The following DNAH1 variants were observed in gnomAD, a reference collection of about 807,000 sequenced individuals.
DNAH1 encodes the protein axonemal beta dynein heavy chain 1.
A neutral mutation model predicts 484.3 loss-of-function variants in DNAH1; 327 were observed. The observed-to-expected ratio is 0.68, with a 90% CI of 0.62 to 0.74. The LOEUF (loss-of-function observed/expected upper bound fraction) is 0.74, where lower values mean the gene tolerates loss of function less well. Among genes scored for constraint, DNAH1 ranks in the 30% least tolerant of loss-of-function variants. DNAH1 has a pLI of 0.00. For synonymous variants in DNAH1, 2,192 were observed against 2,191.9 expected, an observed-to-expected ratio of 1.00 and a Z score of 0.00; for missense variants, 5,052 against 5,546.8, an observed-to-expected ratio of 0.91 and a Z score of 2.83.
At chr3:52,311,506 C>T (rs576815265), upstream of DNAH1, among the ~76,000 whole-genome samples, 2 of 152,206 alleles carry the variant, frequency 1.3e-5, no homozygotes, top group East Asian at 3.9e-4. Context: ...GAGCATGTGG[C>T]CAGCAGCCAG....
chr3:52,352,224 G>T, intron 17 of DNAH1, 121 bp downstream of exon 17: 1 of 1,332,352 alleles, frequency 7.5e-7, no homozygotes, highest in Non-Finnish European at 1.0e-6. Flanking sequence ...TGATGGGCGG[G>T]CAGATGGATG....
rs778389303 is a variant in DNAH1 at position 52,358,575 on chromosome 3, C to A, written c.4104C>A (p.Asp1368Glu). Residue 1368 changes from aspartate to glutamate, a missense_variant, in exon 25 of 78, where the codon GAC becomes GAA. Asp to Glu is a conservative substitution (Grantham distance 45). Transcript: ENST00000420323. The surrounding 1 kb of genome is among the most constrained non-coding windows in gnomAD (Gnocchi z 4.2). ...GCTTGCAGCTGCTATTCCAGGAGGACCTGGAGATCACGCACATGTACTCAG... is the reference window on the plus strand; with the variant it reads ...GCTTGCAGCTGCTATTCCAGGAGGAACTGGAGATCACGCACATGTACTCAG... ...ENIARLLFQE[D>E]LEITHMYSAE... 1.9e-6 allele frequency: 3 copies of A among 1,610,618 alleles called. No individual in the cohort carries two copies. Among genetic ancestry groups the A allele is most frequent in the Non-Finnish European group, 2.5e-6 (3 of 1,178,630 alleles).
Position 52,356,676 on chromosome 3 carries a change from C to G in DNAH1, c.3756C>G (p.Ser1252Arg), listed in dbSNP as rs199502930. Residue 1252 changes from serine (S) to arginine (R), a missense_variant, in exon 22 of 78, where the codon AGC becomes AGG. By Grantham distance (110) the Ser-to-Arg change is moderately radical. This residue lies in a region of DNAH1 where 2,929 missense variants were observed against 3,409.4 expected (regional missense o/e 0.86). Coordinates refer to ENST00000420323, the MANE Select transcript of DNAH1 (RefSeq NM_015512.5). ...GGCTCTACCTGGAGCCCATCTTTAG[C>G]TCTGAGGACATCAACCAGCAGCTGC... ...RSWLYLEPIFSSEDINQQLPV... is the reference protein window; with the variant it reads ...RSWLYLEPIFRSEDINQQLPV... The G allele has an allele frequency of 6.4e-5, 104 of 1,613,946 alleles. 1 individual carries two copies. The African/African-American group carries it at 1.3e-3, about 20-fold the overall frequency.
rs139800610 is a variant in DNAH1 at position 52,364,126 on chromosome 3, G to T, written c.5245-512G>T. ...GTTGGGTCTAGATGGAGTCCTCTTGGTTGGGCACCATGGGGCAGAATGATT... is the reference window on the plus strand; with the variant it reads ...GTTGGGTCTAGATGGAGTCCTCTTGTTTGGGCACCATGGGGCAGAATGATT... On this transcript the variant is annotated intron_variant, in intron 32 of 77. Coordinates refer to ENST00000420323, the MANE Select transcript of DNAH1 (RefSeq NM_015512.5). The surrounding 1 kb of genome is among the most constrained non-coding windows in gnomAD (Gnocchi z 4.2). Among the ~76,000 whole-genome samples, 1 of 152,320 alleles carries T rather than the reference G, an allele frequency of 6.6e-6. No individual in the cohort carries two copies. Among genetic ancestry groups the T allele is most frequent in the East Asian group, 1.9e-4 (1 of 5,180 alleles).
chr3:52,350,771 C>T (rs1350653480), intron 16 of DNAH1, among the ~76,000 whole-genome samples, 181 bp downstream of exon 16: 2 of 152,218 alleles, frequency 1.3e-5, no homozygotes, highest in Non-Finnish European at 2.9e-5. Flanking sequence ...GGCCAGGTGG[C>T]CGAAGGAATT....
intron 20 of DNAH1, among the ~76,000 whole-genome samples, chr3:52,354,302 T>C (rs1408739960): frequency 6.6e-6 from 1 of 152,172 alleles, no homozygotes; most frequent in Non-Finnish European, 1.5e-5. Context: ...CTTAGCTGCC[T>C]CCCAACATGT....
intron 8 of DNAH1, among the ~76,000 whole-genome samples, chr3:52,340,955 TCTTCCTTCCTTCCTTCCTCCCTCC>T (rs1701915520): frequency 6.6e-6 from 1 of 152,196 alleles, no homozygotes; most frequent in South Asian, 2.1e-4. Context: ...GTTAGTTTTT[TCTTCCTTCCTTCCTTCCTCCCTCC>T]CTTCCTTCCT....
intron 20 of DNAH1, among the ~76,000 whole-genome samples, chr3:52,354,420 G>A (rs1702523186): frequency 6.6e-6 from 1 of 152,110 alleles, no homozygotes; most frequent in Non-Finnish European, 1.5e-5. Context: ...ATCACCTGAG[G>A]TCAGGAGTTC....
chr3:52,343,941 C>T (rs576232563), intron 8 of DNAH1, among the ~76,000 whole-genome samples: 13 of 152,228 alleles, frequency 8.5e-5, no homozygotes, highest in African/African-American at 2.6e-4. Flanking sequence ...TGTGCACGCT[C>T]ACCCCAGGTC....
At chr3:52,315,107 T>C (rs1411089213), upstream of DNAH1, among the ~76,000 whole-genome samples, 1 of 152,202 alleles carries the variant, frequency 6.6e-6, no homozygotes, top group Non-Finnish European at 1.5e-5. Context: ...GGGAGGCTTA[T>C]GTCGGGGAGG....
intron 44 of DNAH1, chr3:52,373,872 C>G (rs993531987): frequency 7.2e-7 from 1 of 1,398,106 alleles, no homozygotes; most frequent in East Asian, 2.3e-5. Flanking sequence ...TAACATGTTT[C>G]GAATATTACC....
At chr3:52,373,192 AG>A in intron 44 of DNAH1, 139 bp downstream of exon 44, 2 of 866,668 alleles carry the variant, frequency 2.3e-6, no homozygotes, top group South Asian at 1.9e-5. Flanking sequence ...AAAGGGGAGG[AG>A]GGGGGCCGGC....
rs768508453 is a variant in DNAH1, at chr3:52,353,207, C to G, written c.3132C>G (p.Pro1044=). Residue 1044 remains proline (P), a synonymous_variant, in exon 19 of 78, where the codon CCC becomes CCG. Coordinates refer to ENST00000420323, the MANE Select transcript of DNAH1 (RefSeq NM_015512.5). This position sits in a 1 kb window ranked among gnomAD's most constrained non-coding sequence, Gnocchi z 5.0. ...LRWSESWMND[P]LSAIDAEQLE... is the part of the protein sequence containing the mutation. The stretch of plus-strand genomic sequence containing the variant: ...GGTCGGAGAGCTGGATGAATGACCC[C>G]CTCTCTGCCATCGATGCTGAGCAGC... 2 of 1,614,000 alleles carry G rather than the reference C, an allele frequency of 1.2e-6. No homozygotes were observed. The highest frequency in any genetic ancestry group is 8.5e-7 in the Non-Finnish European group (1 of 1,179,894).
At chr3:52,318,492 C>T (rs1701032314) in intron 1 of DNAH1, among the ~76,000 whole-genome samples, 1 of 152,260 alleles carries the variant, frequency 6.6e-6, no homozygotes, top group Non-Finnish European at 1.5e-5. Flanking sequence ...CAGAGGTCAA[C>T]TTCATTCCTT....
chr3:52,396,467 C>T lies in DNAH1; in HGVS notation c.11359C>T (p.Arg3787Cys), dbSNP rs1399171568. The change falls in exon 71 of 78, where the codon CGC becomes TGC. Residue 3787 changes from arginine (R) to cysteine (C), a missense_variant. Coordinates refer to ENST00000420323, the MANE Select transcript of DNAH1 (RefSeq NM_015512.5). ...NGSKMTIEPP[R>C]GVRANLLKSY... ...CTCCAAGATGACCATTGAGCCGCCA[C>T]GCGGTGTCAGGGCCAACCTGCTGAA... The T allele has an allele frequency of 1.1e-5, 18 of 1,602,040 alleles. No individual in the cohort carries two copies. The highest frequency in any genetic ancestry group is 3.4e-5 in the Admixed American group (2 of 58,286).
At position 52,350,056 on chromosome 3, in the gene DNAH1, C is replaced by A; in HGVS notation, c.2594C>A (p.Ala865Asp). 6.2e-7 allele frequency: 1 copy of A among 1,613,288 alleles called. No homozygotes were observed. The highest frequency in any genetic ancestry group is 8.5e-7 in the Non-Finnish European group (1 of 1,179,768). The change falls in exon 15 of 78, where the codon GCT becomes GAT. Residue 865 changes from alanine to aspartate, a missense_variant. Around this residue, in one of 4 missense-constraint regions of DNAH1, gnomAD observed 1,263 missense variants for 1,218.8 expected, o/e 1.04. Coordinates refer to ENST00000420323, the MANE Select transcript of DNAH1 (RefSeq NM_015512.5). ...AAGCCCAACAGCATTGAGGAGCTGG[C>A]TGAGCTGCGAGAGTGGATGAAGGGC... ...YEKPNSIEEL[A>D]ELREWMKGIP...
intron 47 of DNAH1, 136 bp downstream of exon 47, chr3:52,378,916 A>G: frequency 8.6e-7 from 1 of 1,158,502 alleles, no homozygotes. Flanking sequence ...CAGGCCCTCC[A>G]GAGCCCAGCC....
chr3:52,361,450 G>A lies in DNAH1; in HGVS notation c.4874+98G>A. 1 of 1,396,766 alleles carries A rather than the reference G, an allele frequency of 7.2e-7. No homozygotes were observed. Among genetic ancestry groups the A allele is most frequent in the Non-Finnish European group, 9.6e-7 (1 of 1,041,228 alleles). 86.5% of individuals were successfully genotyped at this position (1,396,766 alleles called of 1,614,324 possible). A position where few individuals can be genotyped will look rare whatever the true frequency, so the allele number is the denominator to read the frequency against. The stretch of plus-strand genomic sequence containing the variant: ...GGCAGTGCCTGAGAGGGGCCTCGAA[G>A]GATGGTGGAGGGGACAGAAGGGGGT... On this transcript the variant is annotated intron_variant, in intron 29 of 77. Transcript: ENST00000420323. The surrounding 1 kb of genome is among the most constrained non-coding windows in gnomAD (Gnocchi z 5.6).
At chr3:52,318,225 G>T (rs1220059145) in intron 1 of DNAH1, among the ~76,000 whole-genome samples, 1 of 152,148 alleles carries the variant, frequency 6.6e-6, no homozygotes, top group African/African-American at 2.4e-5. Flanking sequence ...TAATTTTTGT[G>T]TTTTTGTAGA....
Sources: allele counts gnomAD v4.1 joint callset (sites outside exome capture counted in the v4.1 genomes callset), GRCh38; gene constraint gnomAD v4.1.1; regional missense constraint gnomAD v4.1.1; non-coding constraint Gnocchi (gnomAD v3.1); transcripts MANE v1.5; gene names NCBI Gene and HGNC (gene_info 2026-07-23, HGNC 2026-07-21).